ASXL3: variants seen among roughly 807,000 people sequenced by gnomAD.
ASXL3 encodes ASXL transcriptional regulator 3.
ASXL3 carries 34 observed loss-of-function variants against 170.6 expected under a neutral mutation model. That is an observed-to-expected ratio of 0.20 (90% CI 0.15 to 0.27). The LOEUF is 0.27. Among genes scored for constraint, ASXL3 ranks in the 10% least tolerant of loss-of-function variants. ASXL3 has a pLI of 1.00. For synonymous variants in ASXL3, 1,002 were observed against 989.1 expected (o/e 1.01, Z -0.24); for missense variants, 2,592 against 2,695.3 (o/e 0.96, Z 0.85).
intron 8 of ASXL3, among the ~76,000 whole-genome samples, chr18:33,698,347 T>A (rs1028339554): frequency 2.0e-5 from 3 of 152,106 alleles, no homozygotes; most frequent in African/African-American, 4.8e-5. Flanking sequence ...CAAAATACAT[T>A]TCTGTTCTCT....
At chr18:33,736,756 T>C (rs1038156994) in intron 10 of ASXL3, among the ~76,000 whole-genome samples, 2 of 152,178 alleles carry the variant, frequency 1.3e-5, no homozygotes, top group Non-Finnish European at 2.9e-5. Flanking sequence ...GTGTCTAGAT[T>C]TCTGGAGGCC....
chr18:33,676,928 A>T (rs1395402909), intron 7 of ASXL3, among the ~76,000 whole-genome samples: 1 of 152,142 alleles, frequency 6.6e-6, no homozygotes, highest in African/African-American at 2.4e-5. Context: ...ATATACTCTT[A>T]CCATTTGTTT....
chr18:33,594,365 G>T (rs1055782480), intron 1 of ASXL3, among the ~76,000 whole-genome samples: 3 of 152,124 alleles, frequency 2.0e-5, no homozygotes, highest in African/African-American at 7.2e-5. Context: ...ATCAAAATGT[G>T]ATATTACAGT....
At position 33,732,034 on chromosome 18, in the gene ASXL3, G is replaced by A; in HGVS notation, c.946G>A (p.Ala316Thr). Residue 316 changes from alanine to threonine, a missense_variant, in exon 9 of 12, where the codon GCA (alanine) becomes ACA (threonine). Ala to Thr is a moderately conservative substitution (Grantham distance 58). Transcript: ENST00000269197. ...ALNNEFFAYAAQGWKQRLAEG... is the reference protein window; with the variant it reads ...ALNNEFFAYATQGWKQRLAEG... ...AAATAATGAATTCTTTGCATATGCA[G>A]CACAAGGGTGGAAACAGCGACTGGC... The A allele has an allele frequency of 6.2e-7, 1 of 1,612,976 alleles. No individual in the cohort carries two copies. The highest frequency in any genetic ancestry group is 8.5e-7 in the Non-Finnish European group (1 of 1,179,546).
chr18:33,704,190 A>G (rs894410501), intron 8 of ASXL3, among the ~76,000 whole-genome samples: 103 of 152,260 alleles, frequency 6.8e-4, no homozygotes, highest in African/African-American at 2.2e-3. Context: ...TCTTATTTCT[A>G]TGACTAAAAA....
intron 8 of ASXL3, among the ~76,000 whole-genome samples, chr18:33,691,418 C>G (rs1159251477): frequency 6.6e-6 from 1 of 152,194 alleles, no homozygotes; most frequent in African/African-American, 2.4e-5. Flanking sequence ...CTTGAAGGAG[C>G]TGTTGTGGCT....
intron 2 of ASXL3, among the ~76,000 whole-genome samples, chr18:33,622,580 A>G (rs1328055724): frequency 6.6e-6 from 1 of 152,108 alleles, no homozygotes; most frequent in East Asian, 1.9e-4. Flanking sequence ...TTGCAGTCTG[A>G]AGGTGGGTAG....
chr18:33,605,563 G>A (rs1247012161), intron 1 of ASXL3: 1 of 152,098 alleles, frequency 6.6e-6, no homozygotes, highest in African/African-American at 2.4e-5. Flanking sequence ...ATAGAGAAGG[G>A]GACAGGGCTA....
In ASXL3 at chr18:33,744,430, G is replaced by C. The variant is rs1241968027; in HGVS notation, c.4582G>C (p.Val1528Leu). ...GTCTGTGATTAGCAGGCCTGAGCCA[G>C]TTGCCAACGAAGGTATAGATCACAG... The part of the protein sequence containing the change: ...QVSVISRPEP[V>L]ANEGIDHSST... The change falls in exon 12 of 12, where the codon GTT (valine) becomes CTT (leucine). Residue 1528 changes from valine to leucine, a missense_variant. Coordinates refer to ENST00000269197, the MANE Select transcript of ASXL3 (RefSeq NM_030632.3). 1.2e-6 allele frequency: 2 copies of C among 1,613,798 alleles called. No individual in the cohort carries two copies. Among genetic ancestry groups the C allele is most frequent in the South Asian group, 2.2e-5 (2 of 91,058 alleles).
intron 5 of ASXL3, among the ~76,000 whole-genome samples, chr18:33,668,474 A>G (rs1355412634): frequency 1.3e-5 from 2 of 151,826 alleles, no homozygotes; most frequent in Non-Finnish European, 2.9e-5. Flanking sequence ...TATAGTAGGC[A>G]TTTAGTTTTG....
chr18:33,689,690 C>T (rs965890711), intron 8 of ASXL3, among the ~76,000 whole-genome samples: 1 of 152,210 alleles, frequency 6.6e-6, no homozygotes, highest in Non-Finnish European at 1.5e-5. Flanking sequence ...TTTGATTTGA[C>T]TCAGTACTGA....
At position 33,634,329 on chromosome 18, in the gene ASXL3, C is replaced by CT. The variant is rs879705294; in HGVS notation, c.138-10551dup. The stretch of plus-strand genomic sequence containing the variant: ...AGTTGTGGATGTGGCATAGTTGCTT[C>CT]TTTTTTTTTTTTTTAATAAAGTCTA... On this transcript the variant is annotated intron_variant, in intron 2 of 11. Transcript: ENST00000269197. Among the ~76,000 whole-genome samples the CT allele has an allele frequency of 4.2e-3, 574 of 137,958 alleles. 2 individuals carry two copies. Among genetic ancestry groups the CT allele is most frequent in the African/African-American group, 8.4e-3 (318 of 37,734 alleles). 90.5% of individuals were successfully genotyped at this position (137,958 alleles called of 152,430 possible). A position where few individuals can be genotyped will look rare whatever the true frequency, so the allele number is the denominator to read the frequency against.
chr18:33,647,998 C>T (rs1373909880), intron 4 of ASXL3, among the ~76,000 whole-genome samples: 1 of 151,874 alleles, frequency 6.6e-6, no homozygotes, highest in African/African-American at 2.4e-5. Flanking sequence ...CTGGAATATT[C>T]CAGAGATAGC....
intron 1 of ASXL3, among the ~76,000 whole-genome samples, chr18:33,597,145 A>G (rs1408846297): frequency 1.3e-5 from 2 of 152,140 alleles, no homozygotes; most frequent in Non-Finnish European, 2.9e-5. Flanking sequence ...GCTGTTAACA[A>G]CTATATAACT....
chr18:33,578,814 T>A, intron 1 of ASXL3, 129 bp downstream of exon 1: 1 of 535,132 alleles, frequency 1.9e-6, no homozygotes, highest in Non-Finnish European at 2.5e-6. Flanking sequence ...CTCCTGCTCT[T>A]TGTTATTCTG....
At chr18:33,674,972 A>G (rs1479917297) in intron 7 of ASXL3, among the ~76,000 whole-genome samples, 1 of 152,118 alleles carries the variant, frequency 6.6e-6, no homozygotes, top group Non-Finnish European at 1.5e-5. Context: ...AATCAGACTG[A>G]TATTTAATAC....
intron 8 of ASXL3, among the ~76,000 whole-genome samples, chr18:33,716,263 C>T (rs900512125): frequency 2.6e-5 from 4 of 152,190 alleles, no homozygotes; most frequent in African/African-American, 9.6e-5. Flanking sequence ...ACCCGTGGAA[C>T]ATAGAGAGCA....
chr18:33,725,217 C>T (rs750898263), intron 8 of ASXL3, among the ~76,000 whole-genome samples: 4 of 152,058 alleles, frequency 2.6e-5, no homozygotes, highest in South Asian at 4.1e-4. Flanking sequence ...TGATTAGTGT[C>T]TCACTGTCTG....
chr18:33,580,970 T>A (rs2064986401), intron 1 of ASXL3, among the ~76,000 whole-genome samples: 1 of 152,206 alleles, frequency 6.6e-6, no homozygotes, highest in Non-Finnish European at 1.5e-5. Flanking sequence ...TTATGATTTG[T>A]ATAAGTGACT....
Sources: gnomAD v4.1 joint callset for allele counts (sites outside exome capture counted in the v4.1 genomes callset) on GRCh38, gnomAD v4.1.1 for gene constraint, MANE v1.5 for transcripts, NCBI Gene and HGNC (gene_info 2026-07-23, HGNC 2026-07-21) for gene names.